CACTIN: variants seen among roughly 807,000 people sequenced by gnomAD.
CACTIN encodes the protein splicing factor Cactin.
A neutral mutation model predicts 84.9 loss-of-function variants in CACTIN; 20 were observed. The ratio of observed to expected loss-of-function variants is 0.24; its 90% CI spans 0.17 to 0.34. The LOEUF (loss-of-function observed/expected upper bound fraction) is 0.34, where lower values mean the gene tolerates loss of function less well. Ranked by LOEUF, CACTIN falls within the 10% of genes least tolerant of loss-of-function variation. The probability of loss-of-function intolerance (pLI) is 1.00; values close to 1 mark genes in which losing one functional copy is unlikely to be tolerated. For synonymous variants in CACTIN, 549 were observed against 467.9 expected, an observed-to-expected ratio of 1.17 and a Z score of -2.24; for missense variants, 897 against 1,117.2, an observed-to-expected ratio of 0.80 and a Z score of 2.81.
At chr19:3,619,386 G>A in intron 4 of CACTIN, 144 bp from the exon 5 acceptor site, 1 of 907,256 alleles carries the variant, frequency 1.1e-6, no homozygotes, top group Non-Finnish European at 1.6e-6. Context: ...CCTGGAGGAG[G>A]AGGAGGAGGA....
In CACTIN at chr19:3,611,268, G is replaced by A; in HGVS notation, c.*655C>T. On this transcript the variant is annotated 3_prime_UTR_variant, in exon 10 of 10. Coordinates refer to ENST00000429344, the MANE Select transcript of CACTIN (RefSeq NM_001080543.2). ...TGGACCCCACCAGCCAGCACGGGGT[G>A]AGTTGGGGGCCAGTCCCTGCAGAGT... 2.2e-6 allele frequency: 1 copy of A among 452,326 alleles called. No individual in the cohort carries two copies. The highest frequency in any genetic ancestry group is 1.6e-5 in the South Asian group (1 of 63,994). 28.0% of individuals were successfully genotyped at this position (452,326 alleles called of 1,614,324 possible).
intron 2 of CACTIN, among the ~76,000 whole-genome samples, chr19:3,622,122 T>C (rs1184207461): frequency 1.3e-5 from 2 of 152,004 alleles, no homozygotes; most frequent in Non-Finnish European, 1.5e-5. Flanking sequence ...TCCCAGCATA[T>C]TGGGAGGCCA....
At chr19:3,616,159 G>A in intron 6 of CACTIN, 1 of 152,334 alleles carries the variant, frequency 6.6e-6, no homozygotes, top group African/African-American at 2.4e-5. Context: ...GGGCCCTGGG[G>A]CTGCGTGGGG....
At position 3,611,090 on chromosome 19, in the gene CACTIN, C is replaced by A. The variant is rs776719580; in HGVS notation, c.*833G>T. 7.6e-6 allele frequency: 3 copies of A among 392,604 alleles called. No homozygotes were observed. The highest frequency in any genetic ancestry group is 1.5e-5 in the Non-Finnish European group (3 of 195,146). 24.3% of individuals were successfully genotyped at this position (392,604 alleles called of 1,614,324 possible). A position where few individuals can be genotyped will look rare whatever the true frequency, so the allele number is the denominator to read the frequency against. On this transcript the variant is annotated 3_prime_UTR_variant, in exon 10 of 10. Coordinates refer to ENST00000429344, the MANE Select transcript of CACTIN (RefSeq NM_001080543.2). Reference sequence around the variant, plus strand: ...GTGGGGGGATCCCTGGGGGAAGCCCCTCACCCTTCTCCAACCCCCAGCCTT... The same window carrying A: ...GTGGGGGGATCCCTGGGGGAAGCCCATCACCCTTCTCCAACCCCCAGCCTT...
In CACTIN at chr19:3,623,267, C is replaced by A. The variant is rs536802618; in HGVS notation, c.642+421G>T. On this transcript the variant is annotated intron_variant, in intron 2 of 9. Coordinates refer to ENST00000429344, the MANE Select transcript of CACTIN (RefSeq NM_001080543.2). ...AAAGCTGGCCGGGCGTGGTGGCTCA[C>A]GCCTGTAATCCCAGCACTTTGGGAG... Among the ~76,000 whole-genome samples, 15 of 146,650 alleles carry A rather than the reference C, an allele frequency of 1.0e-4. 1 individual carries two copies. Among genetic ancestry groups the A allele is most frequent in the Admixed American group, 1.0e-3 (15 of 14,702 alleles).
In CACTIN at chr19:3,624,245, G is replaced by A. The variant is rs949630135; in HGVS notation, c.168-83C>T. On this transcript the variant is annotated intron_variant, in intron 1 of 9. Transcript: ENST00000429344. The stretch of plus-strand genomic sequence containing the variant: ...ATGCTTACTGGGTGCCCGTGGGGGA[G>A]CAGGCACTGTTCTAGGTTCTGGGGA... 4.0e-6 allele frequency: 5 copies of A among 1,264,934 alleles called. No homozygotes were observed. In the African/African-American group the frequency reaches 4.5e-5, roughly 11 times the overall value. The allele number at this position is 1,264,934 out of a possible 1,614,324, so 78.4% of individuals were successfully genotyped here.
Position 3,613,561 on chromosome 19 carries a change from G to C in CACTIN, c.1381C>G (p.Leu461Val). 1 of 1,602,238 alleles carries C rather than the reference G, an allele frequency of 6.2e-7. No homozygotes were observed. Among genetic ancestry groups the C allele is most frequent in the Non-Finnish European group, 8.5e-7 (1 of 1,178,572 alleles). ...TTCAGTTTGTACAGCTTCTGCCGCA[G>C]CACGTCCTGGTGGCGCTCACGCAGC... is the stretch of plus-strand genomic sequence containing the variant. ...ARLRERHQDV[L>V]RQKLYKLKQE... The change falls in exon 8 of 10, where the codon CTG becomes GTG. Residue 461 changes from leucine (L) to valine (V), a missense_variant. This residue lies in a region of CACTIN where 304 missense variants were observed against 444.3 expected (regional missense o/e 0.68). Transcript: ENST00000429344.
chr19:3,618,622 G>A (rs183252675), intron 6 of CACTIN, among the ~76,000 whole-genome samples: 41 of 152,334 alleles, frequency 2.7e-4, no homozygotes, highest in South Asian at 6.2e-4. Context: ...CGGCACCGCC[G>A]AGTCAGCGTT....
chr19:3,612,217 C>T lies in CACTIN; in HGVS notation c.1983G>A (p.Thr661=), dbSNP rs779115902. The change falls in exon 10 of 10, where the codon ACG becomes ACA. Residue 661 remains threonine, a synonymous_variant. Transcript: ENST00000429344. ...TGFEWNKYNQ[T]HYDFDNPPPK... Reference sequence around the variant, plus strand: ...GCGGTGGGTTGTCAAAGTCGTAGTGCGTCTGGTTGTACTTGTTCCACTCGA... The same window carrying T: ...GCGGTGGGTTGTCAAAGTCGTAGTGTGTCTGGTTGTACTTGTTCCACTCGA... The T allele has an allele frequency of 6.2e-7, 1 of 1,613,338 alleles. No individual in the cohort carries two copies. The highest frequency in any genetic ancestry group is 8.5e-7 in the Non-Finnish European group (1 of 1,179,898).
chr19:3,613,012 G>T, intron 9 of CACTIN, 46 bp downstream of exon 9: 1 of 1,467,398 alleles, frequency 6.8e-7, no homozygotes, highest in Non-Finnish European at 9.1e-7. Flanking sequence ...CCCGCCCCCA[G>T]CTCGCCCCAC....
At chr19:3,625,923 G>C (rs564308573) in intron 1 of CACTIN, among the ~76,000 whole-genome samples, 1 of 152,274 alleles carries the variant, frequency 6.6e-6, no homozygotes, top group African/African-American at 2.4e-5. Flanking sequence ...CCCATCTCCA[G>C]AAGAAAAGGA....
At chr19:3,626,401 GT>G (rs2033333410) in intron 1 of CACTIN, among the ~76,000 whole-genome samples, 194 bp downstream of exon 1, 1 of 152,166 alleles carries the variant, frequency 6.6e-6, no homozygotes, top group African/African-American at 2.4e-5. Flanking sequence ...CAACCGCCCG[GT>G]CCCCTGCCTG....
intron 2 of CACTIN, among the ~76,000 whole-genome samples, chr19:3,621,802 G>A (rs2033229734): frequency 1.3e-5 from 2 of 152,208 alleles, no homozygotes; most frequent in South Asian, 4.1e-4. Context: ...GAACAGCCGG[G>A]GAAGGGGCAG....
rs939171147 is a variant in CACTIN at position 3,610,828 on chromosome 19, T to G, written c.*1095A>C. On this transcript the variant is annotated 3_prime_UTR_variant, in exon 10 of 10. Coordinates refer to ENST00000429344, the MANE Select transcript of CACTIN (RefSeq NM_001080543.2). ...GGTCTGGGGCTGGTGACTGGTGAGG[T>G]TGGGTGGCCCTCTGGGGGTCCGGGA... 2.2e-6 allele frequency: 1 copy of G among 456,538 alleles called. No homozygotes were observed. Among genetic ancestry groups the G allele is most frequent in the South Asian group, 1.5e-5 (1 of 64,540 alleles). 28.3% of individuals were successfully genotyped at this position (456,538 alleles called of 1,614,324 possible). A position where few individuals can be genotyped will look rare whatever the true frequency, so the allele number is the denominator to read the frequency against.
rs1339480897 is a variant in CACTIN, at chr19:3,623,866, T to A, written c.464A>T (p.Glu155Val). 1 of 1,609,930 alleles carries A rather than the reference T, an allele frequency of 6.2e-7. No homozygotes were observed. The highest frequency in any genetic ancestry group is 1.7e-5 in the Admixed American group (1 of 60,022). Residue 155 changes from glutamate to valine, a missense_variant, in exon 2 of 10, where the codon GAG becomes GTG. Glu to Val is a moderately radical substitution (Grantham distance 121). Around this residue, in one of 8 missense-constraint regions of CACTIN, gnomAD observed 261 missense variants for 243.8 expected, o/e 1.07. Coordinates refer to ENST00000429344, the MANE Select transcript of CACTIN (RefSeq NM_001080543.2). ...RLREERKQQE[E>V]LMKAFETPEE... Reference sequence around the variant, plus strand: ...GGGCGTCTCGAAGGCCTTCATCAGCTCCTCCTGCTGCTTCCGCTCCTCCCG... The same window carrying A: ...GGGCGTCTCGAAGGCCTTCATCAGCACCTCCTGCTGCTTCCGCTCCTCCCG...
At chr19:3,621,508 T>C (rs2033224252) in intron 2 of CACTIN, among the ~76,000 whole-genome samples, 1 of 152,180 alleles carries the variant, frequency 6.6e-6, no homozygotes. Flanking sequence ...ACAGGCTGCC[T>C]GGCTGGGGAC....
At position 3,620,235 on chromosome 19, in the gene CACTIN, G is replaced by A; in HGVS notation, c.776C>T (p.Ala259Val). 1.3e-6 allele frequency: 2 copies of A among 1,591,750 alleles called. No homozygotes were observed. Among genetic ancestry groups the A allele is most frequent in the Non-Finnish European group, 1.7e-6 (2 of 1,173,078 alleles). ...CATCTCCAGCTCCTGCTCGCGCATG[G>A]CCTTCTCCCGCTCCCGCTCCAGCCG... Reference protein sequence around the residue: ...QLRLEREREKAMREQELEMLQ... With the variant: ...QLRLEREREKVMREQELEMLQ... The change falls in exon 4 of 10, where the codon GCC becomes GTC. Residue 259 changes from alanine to valine, a missense_variant. Ala to Val is a moderately conservative substitution (Grantham distance 64, BLOSUM62 0). Coordinates refer to ENST00000429344, the MANE Select transcript of CACTIN (RefSeq NM_001080543.2).
At chr19:3,612,611 G>A (rs1568290414) in intron 9 of CACTIN, among the ~76,000 whole-genome samples, 198 bp from the exon 10 acceptor site, 1 of 152,218 alleles carries the variant, frequency 6.6e-6, no homozygotes, top group African/African-American at 2.4e-5. Flanking sequence ...CCGGACCTTG[G>A]TCTTCATGTC....
intron 4 of CACTIN, 150 bp from the exon 5 acceptor site, chr19:3,619,392 G>A (rs1010369516): frequency 5.5e-6 from 5 of 902,550 alleles, no homozygotes; most frequent in African/African-American, 5.0e-5. Flanking sequence ...GGAGGAGGAG[G>A]AGGAGGCATA....
Sources: allele counts gnomAD v4.1 joint callset (sites outside exome capture counted in the v4.1 genomes callset), GRCh38; gene constraint gnomAD v4.1.1; regional missense constraint gnomAD v4.1.1; transcripts MANE v1.5; gene names NCBI Gene and HGNC (gene_info 2026-07-23, HGNC 2026-07-21).